Variants in REPS1 observed in about 807,000 individuals in gnomAD.
REPS1 encodes ralBP1-associated Eps domain-containing protein 1.
A neutral mutation model predicts 100.9 loss-of-function variants in REPS1; 39 were observed. The ratio of observed to expected loss-of-function variants is 0.39; its 90% CI spans 0.30 to 0.50. REPS1 has a LOEUF of 0.50. REPS1 is among the 20% of genes least tolerant of loss of function. REPS1 has a pLI of 0.86. For synonymous variants in REPS1, 324 were observed against 340.3 expected, an observed-to-expected ratio of 0.95 and a Z score of 0.53; for missense variants, 821 against 968.5, an observed-to-expected ratio of 0.85 and a Z score of 2.02.
At chr6:138,919,041 C>T (rs1332946564) in intron 12 of REPS1, among the ~76,000 whole-genome samples, 3 of 152,116 alleles carry the variant, frequency 2.0e-5, no homozygotes, top group Non-Finnish European at 4.4e-5. Context: ...ATATTTCCAT[C>T]TGGATATTTT....
intron 10 of REPS1, among the ~76,000 whole-genome samples, chr6:138,923,956 C>A (rs1780943139): frequency 6.6e-6 from 1 of 152,088 alleles, no homozygotes; most frequent in African/African-American, 2.4e-5. Context: ...TCTGAATGTG[C>A]CTTATTTACT....
chr6:138,941,629 G>T (rs1037280440), intron 7 of REPS1, 140 bp from the exon 8 acceptor site: 18 of 767,896 alleles, frequency 2.3e-5, no homozygotes, highest in African/African-American at 3.5e-5. Flanking sequence ...AGAAAGATGT[G>T]TAATATAGCA....
At chr6:138,954,631 C>T (rs548063636) in intron 1 of REPS1, among the ~76,000 whole-genome samples, 4 of 152,220 alleles carry the variant, frequency 2.6e-5, no homozygotes, top group African/African-American at 9.6e-5. Flanking sequence ...GCTGGACAAG[C>T]TCACATTATA....
At chr6:138,961,718 GT>G (rs1426966186) in intron 1 of REPS1, among the ~76,000 whole-genome samples, 2 of 152,174 alleles carry the variant, frequency 1.3e-5, no homozygotes, top group African/African-American at 4.8e-5. Flanking sequence ...ACAGACCAGG[GT>G]CTGGAGACCA....
chr6:138,960,529 T>C (rs1368816757), intron 1 of REPS1, among the ~76,000 whole-genome samples: 1 of 152,192 alleles, frequency 6.6e-6, no homozygotes, highest in Non-Finnish European at 1.5e-5. Flanking sequence ...AAGAGTGTAT[T>C]ATTTTACAAA....
chr6:138,966,959 C>A (rs1784058524), intron 1 of REPS1, among the ~76,000 whole-genome samples: 1 of 152,182 alleles, frequency 6.6e-6, no homozygotes, highest in South Asian at 2.1e-4. Flanking sequence ...GAAGTTCATG[C>A]TTTGGAAATT....
chr6:138,922,989 C>T (rs1780878610), intron 10 of REPS1, among the ~76,000 whole-genome samples: 1 of 152,112 alleles, frequency 6.6e-6, no homozygotes, highest in Non-Finnish European at 1.5e-5. Flanking sequence ...CTAACAAATT[C>T]ATTCAAAGTA....
Position 138,944,529 on chromosome 6 carries a change from G to A in REPS1, c.722C>T (p.Thr241Ile). 6.2e-7 allele frequency: 1 copy of A among 1,614,072 alleles called. No homozygotes were observed. The highest frequency in any genetic ancestry group is 8.5e-7 in the Non-Finnish European group (1 of 1,179,926). The change falls in exon 5 of 20, where the codon ACT (threonine) becomes ATT (isoleucine). Residue 241 changes from threonine (T) to isoleucine (I), a missense_variant. Coordinates refer to ENST00000450536, the MANE Select transcript of REPS1 (RefSeq NM_001286611.2). ...VSFADTPPTSTLLTMHPASVQ... is the reference protein window; with the variant it reads ...VSFADTPPTSILLTMHPASVQ... ...AGAAGCAGGATGCATGGTTAAAAGA[G>A]TACTGGTTGGTGGAGTATCTGCAAA... is the stretch of plus-strand genomic sequence containing the variant.
At chr6:138,944,335 T>G (rs1782469208) in intron 5 of REPS1, among the ~76,000 whole-genome samples, 163 bp downstream of exon 5, 3 of 152,194 alleles carry the variant, frequency 2.0e-5, no homozygotes, top group Admixed American at 2.0e-4. Context: ...AGCTGAAACA[T>G]TCCAATGATA....
At chr6:138,944,993 T>G (rs1355938692) in intron 4 of REPS1, among the ~76,000 whole-genome samples, 2 of 152,204 alleles carry the variant, frequency 1.3e-5, no homozygotes, top group Non-Finnish European at 2.9e-5. Context: ...AACTTACAAT[T>G]AAAAACTATC....
In REPS1 at chr6:138,945,586, A is replaced by T; in HGVS notation, c.389T>A (p.Ile130Asn). Residue 130 changes from isoleucine to asparagine, a missense_variant, in exon 3 of 20, where the codon ATT becomes AAT. Physicochemically the swap from Ile to Asn is moderately radical, Grantham distance 149. Around this residue, in one of 3 missense-constraint regions of REPS1, gnomAD observed 757 missense variants for 866.4 expected, o/e 0.87. Transcript: ENST00000450536. Reference protein sequence around the residue: ...SENQGSYSGVIPPPPGRGQVK... With the variant: ...SENQGSYSGVNPPPPGRGQVK... ...TTGCCCCCTGCCAGGTGGTGGGGGAATTACACCAGAATACGACCCTTGATT... is the reference window on the plus strand; with the variant it reads ...TTGCCCCCTGCCAGGTGGTGGGGGATTTACACCAGAATACGACCCTTGATT... 1 of 1,613,784 alleles carries T rather than the reference A, an allele frequency of 6.2e-7. No homozygotes were observed. The highest frequency in any genetic ancestry group is 8.5e-7 in the Non-Finnish European group (1 of 1,179,860).
chr6:138,921,045 G>T lies in REPS1; in HGVS notation c.1418C>A (p.Thr473Asn). 1 of 1,611,310 alleles carries T rather than the reference G, an allele frequency of 6.2e-7. No individual in the cohort carries two copies. The highest frequency in any genetic ancestry group is 8.5e-7 in the Non-Finnish European group (1 of 1,177,858). Residue 473 changes from threonine (T) to asparagine (N), a missense_variant, in exon 11 of 20, where the codon ACT becomes AAT. This residue lies in a region of REPS1 where 757 missense variants were observed against 866.4 expected (regional missense o/e 0.87). Coordinates refer to ENST00000450536, the MANE Select transcript of REPS1 (RefSeq NM_001286611.2). ...AGCAACAGCTTCCTTACCGCTGCCA[G>T]TTCTTTTAAGTTCCATTTCCTGCAT... ...IHMQEMELKR[T>N]GSDHTNPTSP...
intron 8 of REPS1, among the ~76,000 whole-genome samples, chr6:138,935,393 A>G (rs1409435972): frequency 6.6e-6 from 1 of 152,212 alleles, no homozygotes; most frequent in Non-Finnish European, 1.5e-5. Context: ...TACCTACAAT[A>G]TATAGGAGGT....
chr6:138,986,826 G>A (rs757238449), intron 1 of REPS1, among the ~76,000 whole-genome samples: 13 of 152,118 alleles, frequency 8.5e-5, no homozygotes, highest in Non-Finnish European at 1.6e-4. Flanking sequence ...GCTCCTCCAG[G>A]GCTTCAGATT....
chr6:138,917,956 T>G (rs1780511134), intron 12 of REPS1, among the ~76,000 whole-genome samples: 2 of 152,186 alleles, frequency 1.3e-5, no homozygotes, highest in Non-Finnish European at 2.9e-5. Flanking sequence ...GTTCCACAGC[T>G]GAGGATTCAA....
intron 1 of REPS1, among the ~76,000 whole-genome samples, chr6:138,982,581 C>T (rs1289747633): frequency 6.6e-6 from 1 of 152,140 alleles, no homozygotes; most frequent in African/African-American, 2.4e-5. Flanking sequence ...TTGGGAAAAG[C>T]TGACTTTTAA....
intron 8 of REPS1, among the ~76,000 whole-genome samples, chr6:138,940,195 T>C (rs957260614): frequency 3.9e-5 from 6 of 152,192 alleles, no homozygotes; most frequent in Non-Finnish European, 8.8e-5. Flanking sequence ...AGTCAGACCA[T>C]GTATATTTTT....
chr6:138,954,093 C>G (rs1783219618), intron 1 of REPS1, among the ~76,000 whole-genome samples: 1 of 149,214 alleles, frequency 6.7e-6, no homozygotes, highest in Non-Finnish European at 1.5e-5. Flanking sequence ...AATCCAGGAA[C>G]AGAAAATTAA....
At chr6:138,986,844 A>G (rs1447334511) in intron 1 of REPS1, among the ~76,000 whole-genome samples, 1 of 152,214 alleles carries the variant, frequency 6.6e-6, no homozygotes, top group Non-Finnish European at 1.5e-5. Context: ...ATTAGGGCAA[A>G]TAACGCACTT....
Sources: gnomAD v4.1 joint callset for allele counts (sites outside exome capture counted in the v4.1 genomes callset) on GRCh38, gnomAD v4.1.1 for gene constraint, gnomAD v4.1.1 regional missense constraint, MANE v1.5 for transcripts, NCBI Gene and HGNC (gene_info 2026-07-23, HGNC 2026-07-21) for gene names.